Variants in EML5 observed in about 807,000 individuals in gnomAD.
The protein encoded by EML5 is echinoderm microtubule-associated protein-like 5.
A neutral mutation model predicts 250.0 loss-of-function variants in EML5; 120 were observed. The ratio of observed to expected loss-of-function variants is 0.48; its 90% CI spans 0.41 to 0.56. EML5 has a LOEUF of 0.56. Ranked by LOEUF, EML5 falls within the 20% of genes least tolerant of loss-of-function variation. The pLI is 0.00. For missense variants in EML5, 2,006 were observed against 2,437.6 expected (o/e 0.82, Z 3.73); for synonymous variants, 771 against 806.5 (o/e 0.96, Z 0.75).
intron 7 of EML5, among the ~76,000 whole-genome samples, chr14:88,735,175 C>G (rs1283747296): frequency 6.6e-6 from 1 of 152,124 alleles, no homozygotes; most frequent in Non-Finnish European, 1.5e-5. Flanking sequence ...ACTTGGAAGG[C>G]TTCTGAAATC....
intron 2 of EML5, among the ~76,000 whole-genome samples, chr14:88,748,883 T>A (rs2094047949): frequency 6.8e-6 from 1 of 146,592 alleles, no homozygotes; most frequent in African/African-American, 2.5e-5. Context: ...CAAAATAAAG[T>A]ACAGAAAGAA....
intron 19 of EML5, among the ~76,000 whole-genome samples, chr14:88,686,938 G>A (rs1311393739): frequency 6.6e-6 from 1 of 152,196 alleles, no homozygotes; most frequent in African/African-American, 2.4e-5. Context: ...GGTGATAAAT[G>A]TGATGTTCAC....
intron 2 of EML5, among the ~76,000 whole-genome samples, chr14:88,753,489 A>T (rs373856533): frequency 2.0e-5 from 3 of 152,260 alleles, no homozygotes; most frequent in Non-Finnish European, 2.9e-5. Context: ...TAAAAAGCAG[A>T]TAACTAAAAT....
At chr14:88,657,640 G>GA (rs1275088227) in intron 26 of EML5, 138 bp from the exon 27 acceptor site, 5 of 721,986 alleles carry the variant, frequency 6.9e-6, no homozygotes, top group Non-Finnish European at 1.0e-5. Flanking sequence ...TATACAACCA[G>GA]AAAAAACGAT....
At chr14:88,685,224 T>G in intron 19 of EML5, 82 bp from the exon 20 acceptor site, 1 of 1,211,902 alleles carries the variant, frequency 8.3e-7, no homozygotes, top group African/African-American at 1.5e-5. Flanking sequence ...TAAGCTATTT[T>G]GACAGTGAAA....
rs58676323 is a variant in EML5 at position 88,759,685 on chromosome 14, T to TAAAAAAAAAAAAAAAAAAAA, written c.198-5015_198-5014insTTTTTTTTTTTTTTTTTTTT. On this transcript the variant is annotated intron_variant, in intron 1 of 43. Transcript: ENST00000554922. ...AGTGACAGGGCAAGTCACCATCTCT[T>TAAAAAAAAAAAAAAAAAAAA]AAAAAAAAAAAAAAAAAAACTGGGG... 2.8e-4 allele frequency among the ~76,000 whole-genome samples: 26 copies of TAAAAAAAAAAAAAAAAAAAA among 92,876 alleles called. 1 individual carries two copies. The highest frequency in any genetic ancestry group is 1.3e-3 in the African/African-American group (24 of 18,048). 60.9% of individuals were successfully genotyped at this position (92,876 alleles called of 152,430 possible).
At chr14:88,624,910 C>T (rs1383340288) in intron 36 of EML5, 60 bp downstream of exon 36, 1 of 1,577,444 alleles carries the variant, frequency 6.3e-7, no homozygotes, top group Non-Finnish European at 8.6e-7. Flanking sequence ...GAATAATTAA[C>T]TGCAAACCTC....
chr14:88,625,063 C>T lies in EML5; in HGVS notation c.4805G>A (p.Cys1602Tyr), dbSNP rs1306568901. ...DVCVWKDHIL[C>Y]RIVARAHNGP... is the part of the protein sequence containing the mutation. Reference sequence around the variant, plus strand: ...GTTGTGAGCTCTCGCCACGATTCTACACAATATGTGATCTTTCCACACACA... The same window carrying T: ...GTTGTGAGCTCTCGCCACGATTCTATACAATATGTGATCTTTCCACACACA... The change falls in exon 36 of 44, where the codon TGT becomes TAT. Residue 1602 changes from cysteine to tyrosine, a missense_variant. By Grantham distance (194) the Cys-to-Tyr change is radical (BLOSUM62 -2). Around this residue, in one of 7 missense-constraint regions of EML5, gnomAD observed 405 missense variants for 523.3 expected, o/e 0.77. Coordinates refer to ENST00000554922, the MANE Select transcript of EML5 (RefSeq NM_183387.3). The T allele has an allele frequency of 6.2e-7, 1 of 1,613,904 alleles. No homozygotes were observed. The highest frequency in any genetic ancestry group is 2.2e-5 in the East Asian group (1 of 44,884).
chr14:88,626,979 T>A lies in EML5; in HGVS notation c.4599A>T (p.Ser1533=), dbSNP rs979939739. The A allele has an allele frequency of 1.4e-5, 23 of 1,613,876 alleles. No homozygotes were observed. In the East Asian group the frequency reaches 5.1e-4, roughly 36 times the overall value. The part of the protein sequence containing the change: ...RIFVAEFRPD[S]DTQFVSVGVK... ...CTCCCACTGAGACAAACTGGGTATC[T>A]GAATCTGGTCGGAATTCTGCCACAA... The change falls in exon 35 of 44, where the codon TCA becomes TCT. Residue 1533 remains serine (S), a synonymous_variant. Transcript: ENST00000554922.
intron 7 of EML5, among the ~76,000 whole-genome samples, chr14:88,726,930 G>A (rs564613464): frequency 2.0e-5 from 3 of 152,176 alleles, no homozygotes; most frequent in East Asian, 1.9e-4. Context: ...GTGCAGTGGC[G>A]TGATCATAGC....
Position 88,612,833 on chromosome 14 carries a change from A to ATGCTT in EML5, c.*2980_*2984dup, listed in dbSNP as rs1365348373. 6.6e-6 allele frequency: 1 copy of ATGCTT among 152,632 alleles called. No individual in the cohort carries two copies. The highest frequency in any genetic ancestry group is 1.9e-4 in the East Asian group (1 of 5,202). 9.5% of individuals were successfully genotyped at this position (152,632 alleles called of 1,614,324 possible). On this transcript the variant is annotated 3_prime_UTR_variant, in exon 44 of 44. Coordinates refer to ENST00000554922, the MANE Select transcript of EML5 (RefSeq NM_183387.3). The stretch of plus-strand genomic sequence containing the variant: ...AAACTGTTAAGGCAAGAAGTGTCAA[A>ATGCTT]TGCTTTAGAGTTAAATAACAGATCA...
At chr14:88,698,135 T>A (rs1476501130) in intron 14 of EML5, among the ~76,000 whole-genome samples, 2 of 152,160 alleles carry the variant, frequency 1.3e-5, no homozygotes, top group South Asian at 2.1e-4. Flanking sequence ...TTTTAGAAAA[T>A]TTTTAACATT....
At position 88,702,695 on chromosome 14, in the gene EML5, T is replaced by C. The variant is rs1364175987; in HGVS notation, c.2052-63A>G. The C allele has an allele frequency of 1.8e-5, 21 of 1,172,618 alleles. No individual in the cohort carries two copies. The East Asian group carries it at 3.1e-4, about 18-fold the overall frequency. 72.6% of individuals were successfully genotyped at this position (1,172,618 alleles called of 1,614,324 possible). ...CCTTTTATCTGATCAATACAGAATATACAGGGGAGAAGTAGGTACCCTTTG... is the reference window on the plus strand; with the variant it reads ...CCTTTTATCTGATCAATACAGAATACACAGGGGAGAAGTAGGTACCCTTTG... On this transcript the variant is annotated intron_variant, in intron 13 of 43. Transcript: ENST00000554922.
At position 88,618,744 on chromosome 14, in the gene EML5, G is replaced by A. The variant is rs1278739754; in HGVS notation, c.5444C>T (p.Thr1815Met). ...SENSVDFYDL[T>M]LGPTLNRISY... ...GATTCTGTTAAGAGTGGGGCCCAGC[G>A]TTAGGTCATAAAAATCCACTGAGTT... Residue 1815 changes from threonine (T) to methionine (M), a missense_variant, in exon 40 of 44, where the codon ACG becomes ATG. By Grantham distance (81) the Thr-to-Met change is moderately conservative. This residue lies in a region of EML5 where 405 missense variants were observed against 523.3 expected (regional missense o/e 0.77). Coordinates refer to ENST00000554922, the MANE Select transcript of EML5 (RefSeq NM_183387.3). 7 of 1,605,728 alleles carry A rather than the reference G, an allele frequency of 4.4e-6. No homozygotes were observed. The highest frequency in any genetic ancestry group is 2.2e-5 in the East Asian group (1 of 44,778).
chr14:88,714,911 A>G (rs1395690633), intron 9 of EML5, 28 bp downstream of exon 9: 3 of 1,602,568 alleles, frequency 1.9e-6, no homozygotes, highest in Non-Finnish European at 2.6e-6. Context: ...TAGGTACTAC[A>G]AATCTATAAT....
intron 7 of EML5, among the ~76,000 whole-genome samples, chr14:88,729,890 TAATG>T (rs1325112547): frequency 1.1e-4 from 16 of 151,670 alleles, no homozygotes; most frequent in African/African-American, 1.9e-4. Flanking sequence ...TTTGTTTTTT[TAATG>T]TATTGTCTAT....
intron 32 of EML5, among the ~76,000 whole-genome samples, chr14:88,635,047 T>C (rs1473381869): frequency 6.6e-6 from 1 of 152,238 alleles, no homozygotes; most frequent in African/African-American, 2.4e-5. Context: ...AGATTTTCCA[T>C]ATGAGTACAA....
chr14:88,682,886 G>A (rs996499357), intron 20 of EML5, among the ~76,000 whole-genome samples: 1 of 152,204 alleles, frequency 6.6e-6, no homozygotes, highest in Non-Finnish European at 1.5e-5. Context: ...CCTAAAGCCT[G>A]AGATACTCAA....
chr14:88,696,721 C>T (rs2093087993), intron 15 of EML5, 126 bp downstream of exon 15: 2 of 559,222 alleles, frequency 3.6e-6, no homozygotes, highest in Admixed American at 3.5e-5. Context: ...TAACAGTATA[C>T]ACATTTGATA....
Sources: gnomAD v4.1 joint callset for allele counts (sites outside exome capture counted in the v4.1 genomes callset) on GRCh38, gnomAD v4.1.1 for gene constraint, gnomAD v4.1.1 regional missense constraint, MANE v1.5 for transcripts, NCBI Gene and HGNC (gene_info 2026-07-23, HGNC 2026-07-21) for gene names.